PALM2AKAP2: variants seen among roughly 807,000 people sequenced by gnomAD.
PALM2AKAP2 encodes the protein PALM2-AKAP2 fusion protein.
In PALM2AKAP2, 37 loss-of-function variants were observed where a neutral mutation model predicts 71.5. The ratio of observed to expected loss-of-function variants is 0.52; its 90% CI spans 0.40 to 0.68. The LOEUF (loss-of-function observed/expected upper bound fraction) is 0.68, where lower values mean the gene tolerates loss of function less well. Among genes scored for constraint, PALM2AKAP2 ranks in the 30% least tolerant of loss-of-function variants. The pLI is 0.00. For synonymous variants in PALM2AKAP2, 468 were observed against 478.8 expected (o/e 0.98, Z 0.29); for missense variants, 1,224 against 1,191.8 (o/e 1.03, Z -0.40).
intron 1 of PALM2AKAP2, among the ~76,000 whole-genome samples, chr9:109,790,793 G>A (rs909869486): frequency 2.0e-5 from 3 of 152,190 alleles, no homozygotes; most frequent in Non-Finnish European, 4.4e-5. Context: ...CTTTGAAAAT[G>A]TCCTTGCTCC....
chr9:109,921,507 C>T (rs1830829141), intron 3 of PALM2AKAP2, among the ~76,000 whole-genome samples: 2 of 152,196 alleles, frequency 1.3e-5, no homozygotes, highest in African/African-American at 4.8e-5. Context: ...TTGAGAGCCA[C>T]TGCTCTAATA....
At position 110,057,388 on chromosome 9, in the gene PALM2AKAP2, TG is replaced by T. The variant is rs764466789; in HGVS notation, c.156+8534del. ...TCTGTTTTTTTTTTTTTTGTTTTTTTGTTTTTTTTTTTGCAACAGAGACTCG... is the reference window on the plus strand; with the variant it reads ...TCTGTTTTTTTTTTTTTTGTTTTTTTTTTTTTTTTTTGCAACAGAGACTCG... On this transcript the variant is annotated intron_variant, in intron 1 of 3. Transcript: ENST00000374525. 7.4e-4 allele frequency among the ~76,000 whole-genome samples: 94 copies of T among 126,680 alleles called. 1 individual carries two copies. The South Asian group carries it at 8.6e-3, about 12-fold the overall frequency. 83.1% of individuals were successfully genotyped at this position (126,680 alleles called of 152,430 possible). A position where few individuals can be genotyped will look rare whatever the true frequency, so the allele number is the denominator to read the frequency against.
At position 109,705,569 on chromosome 9, in the gene PALM2AKAP2, A is replaced by T. The variant is rs527652000; in HGVS notation, c.5+64703A>T. On this transcript the variant is annotated intron_variant, in intron 1 of 6. Transcript: ENST00000374531. The stretch of plus-strand genomic sequence containing the variant: ...TTCCAGAGGATGTTGAATGGGACAA[A>T]ATATTGCTATGTGACCCACATTTGA... Among the ~76,000 whole-genome samples the T allele has an allele frequency of 2.0e-5, 3 of 152,302 alleles. No homozygotes were observed. In the South Asian group the frequency reaches 6.2e-4, roughly 32 times the overall value.
At chr9:110,064,369 C>T (rs946853152) in intron 1 of PALM2AKAP2, among the ~76,000 whole-genome samples, 4 of 152,158 alleles carry the variant, frequency 2.6e-5, no homozygotes, top group Admixed American at 6.5e-5. Flanking sequence ...CTCTCCTGTC[C>T]GACCTCCTAG....
chr9:109,647,493 A>G (rs1827170942), intron 1 of PALM2AKAP2, among the ~76,000 whole-genome samples: 1 of 152,234 alleles, frequency 6.6e-6, no homozygotes, highest in African/African-American at 2.4e-5. Context: ...GAATATGCAC[A>G]TTGTGAATTT....
At chr9:110,064,254 A>G (rs1002996504) in intron 1 of PALM2AKAP2, among the ~76,000 whole-genome samples, 1 of 152,216 alleles carries the variant, frequency 6.6e-6, no homozygotes, top group Non-Finnish European at 1.5e-5. Flanking sequence ...GACATTGATT[A>G]TGATAGAAAA....
chr9:110,060,600 TTTTG>T (rs200124001), intron 1 of PALM2AKAP2, among the ~76,000 whole-genome samples: 3 of 151,504 alleles, frequency 2.0e-5, no homozygotes, highest in African/African-American at 2.4e-5. Flanking sequence ...GTCCAGGAGT[TTTTG>T]TTTGTTTGTT....
At chr9:109,816,975 T>A (rs915712008) in intron 1 of PALM2AKAP2, among the ~76,000 whole-genome samples, 1 of 152,238 alleles carries the variant, frequency 6.6e-6, no homozygotes, top group African/African-American at 2.4e-5. Context: ...AATATTTTTT[T>A]AAAAACTATA....
At chr9:110,023,462 G>A (rs970093620) in intron 7 of PALM2AKAP2, among the ~76,000 whole-genome samples, 1 of 151,710 alleles carries the variant, frequency 6.6e-6, no homozygotes, top group Non-Finnish European at 1.5e-5. Flanking sequence ...TAACAGGCCT[G>A]TGCCACCACG....
At chr9:109,780,606 A>G (rs1030251977) in intron 1 of PALM2AKAP2, 73 bp downstream of exon 1, 14 of 1,595,230 alleles carry the variant, frequency 8.8e-6, no homozygotes, top group Admixed American at 5.0e-5. Context: ...GTTTCGGGGC[A>G]AGCGGCATGC....
intron 1 of PALM2AKAP2, among the ~76,000 whole-genome samples, chr9:109,665,675 C>A (rs187924760): frequency 6.6e-6 from 1 of 152,198 alleles, no homozygotes; most frequent in African/African-American, 2.4e-5. Context: ...GCAGTCTGTC[C>A]GTTGTTGGAG....
At chr9:109,685,406 C>T (rs1827793583) in intron 1 of PALM2AKAP2, among the ~76,000 whole-genome samples, 1 of 152,068 alleles carries the variant, frequency 6.6e-6, no homozygotes, top group African/African-American at 2.4e-5. Context: ...TTCCAGACCA[C>T]CACGATAAAG....
intron 1 of PALM2AKAP2, among the ~76,000 whole-genome samples, chr9:109,748,169 C>CT (rs930672487): frequency 5.3e-5 from 8 of 151,842 alleles, no homozygotes; most frequent in South Asian, 2.1e-4. Context: ...GTTGTGTTTT[C>CT]TTTTTTTTCT....
At position 109,932,127 on chromosome 9, in the gene PALM2AKAP2, G is replaced by A. The variant is rs75892929; in HGVS notation, c.496+99G>A. The A allele has an allele frequency of 1.3e-3, 1,688 of 1,271,060 alleles. 19 individuals are homozygous for A. The African/African-American group carries it at 0.022, about 16-fold the overall frequency. 78.7% of individuals were successfully genotyped at this position (1,271,060 alleles called of 1,614,324 possible). A position where few individuals can be genotyped will look rare whatever the true frequency, so the allele number is the denominator to read the frequency against. On this transcript the variant is annotated intron_variant, in intron 6 of 9. Transcript: ENST00000302798. The stretch of plus-strand genomic sequence containing the variant: ...GAGTGCCCTGCTATCCTTACATAGG[G>A]GGAGCTCACCTTCAGCCCAGCCTCA...
intron 6 of PALM2AKAP2, chr9:109,942,613 CTGTT>C (rs1831400187): frequency 2.0e-5 from 29 of 1,484,748 alleles, no homozygotes; most frequent in Non-Finnish European, 2.4e-5. Flanking sequence ...TTTTTTTTGT[CTGTT>C]TGGCAATTAA....
intron 1 of PALM2AKAP2, chr9:109,772,114 T>C (rs1334001226): frequency 6.6e-6 from 1 of 152,316 alleles, no homozygotes; most frequent in African/African-American, 2.4e-5. Flanking sequence ...ATGGGAGTTA[T>C]AGAACTGCTT....
rs540840218 is a variant in PALM2AKAP2 at position 110,035,844 on chromosome 9, T to C, written c.582+19805T>C. On this transcript the variant is annotated intron_variant, in intron 7 of 9. Transcript: ENST00000302798. ...ATGATATGTTGTGTGTTATATATAA[T>C]ATATATGATATGTTGTGTGTTATAT... Among the ~76,000 whole-genome samples the C allele has an allele frequency of 7.5e-4, 110 of 147,152 alleles. 1 individual carries two copies. The highest frequency in any genetic ancestry group is 3.7e-3 in the Admixed American group (54 of 14,636).
chr9:109,756,903 C>CTAA lies in PALM2AKAP2; in HGVS notation c.6-23583_6-23581dup, dbSNP rs1194599614. 4.6e-5 allele frequency among the ~76,000 whole-genome samples: 7 copies of CTAA among 152,136 alleles called. No individual in the cohort carries two copies. In the South Asian group the frequency reaches 1.5e-3, roughly 32 times the overall value. ...TATTTTGAGTACATGTATAGAAAAC[C>CTAA]TAATGATCAAATCTGGGTATTTAAG... On this transcript the variant is annotated intron_variant, in intron 1 of 6. Coordinates refer to the PALM2AKAP2 transcript ENST00000374531.
Position 110,014,802 on chromosome 9 carries a change from AAATG to A in PALM2AKAP2, c.497-1151_497-1148del, listed in dbSNP as rs1564260499. On this transcript the variant is annotated intron_variant, in intron 6 of 9. Transcript: ENST00000302798. ...CTCAAAAAAAAAAAAAAAAAAAAAA[AAATG>A]TATATATATATATATATATATATAT... Among the ~76,000 whole-genome samples, 362 of 41,416 alleles carry A rather than the reference AAATG, an allele frequency of 8.7e-3. 4 individuals carry two copies. Among genetic ancestry groups the A allele is most frequent in the African/African-American group, 0.02 (117 of 5,838 alleles). 27.2% of individuals were successfully genotyped at this position (41,416 alleles called of 152,430 possible). A position where few individuals can be genotyped will look rare whatever the true frequency, so the allele number is the denominator to read the frequency against.
Sources: allele counts gnomAD v4.1 joint callset (sites outside exome capture counted in the v4.1 genomes callset), GRCh38; gene constraint gnomAD v4.1.1; transcripts MANE v1.5; gene names NCBI Gene and HGNC (gene_info 2026-07-23, HGNC 2026-07-21).